The following ZSWIM8 variants were observed in gnomAD, a reference collection of about 807,000 sequenced individuals.
ZSWIM8 encodes the protein zinc finger SWIM domain-containing protein 8.
ZSWIM8 carries 27 observed loss-of-function variants against 173.7 expected under a neutral mutation model. The observed-to-expected ratio is 0.16, with a 90% confidence interval of 0.11 to 0.21. The LOEUF (loss-of-function observed/expected upper bound fraction) is 0.21, where lower values mean the gene tolerates loss of function less well. ZSWIM8 is among the 10% of genes least tolerant of loss of function. The probability of loss-of-function intolerance (pLI) is 1.00; values close to 1 mark genes in which losing one functional copy is unlikely to be tolerated. For missense variants in ZSWIM8, 1,627 were observed against 2,428.8 expected, an observed-to-expected ratio of 0.67 and a Z score of 6.94; for synonymous variants, 958 against 962.0, an observed-to-expected ratio of 1.00 and a Z score of 0.08.
chr10:73,797,221 A>G lies in ZSWIM8; in HGVS notation c.3383A>G (p.Tyr1128Cys), dbSNP rs758218560. ...TTGGCACTTGGCAGTCGTGGAGGCT[A>G]TAATGGACGGGGATGGGGGTCCCCA... is the stretch of plus-strand genomic sequence containing the variant. ...SRLALGSRGG[Y>C]NGRGWGSPGR... Residue 1128 changes from tyrosine (Y) to cysteine (C), a missense_variant, in exon 17 of 26, where the codon TAT becomes TGT. Tyr to Cys is a radical substitution (Grantham distance 194). This residue lies in a region of ZSWIM8 where 163 missense variants were observed against 193.2 expected (regional missense o/e 0.84). Coordinates refer to ENST00000604729, the MANE Select transcript of ZSWIM8 (RefSeq NM_001367799.1). This position sits in a 1 kb window ranked among gnomAD's most constrained non-coding sequence, Gnocchi z 5.6. 1 of 1,614,016 alleles carries G rather than the reference A, an allele frequency of 6.2e-7. No individual in the cohort carries two copies.
Position 73,791,129 on chromosome 10 carries a change from G to C in ZSWIM8, c.1096G>C (p.Ala366Pro). The C allele has an allele frequency of 6.2e-7, 1 of 1,613,210 alleles. No homozygotes were observed. The highest frequency in any genetic ancestry group is 2.2e-5 in the East Asian group (1 of 44,856). ...GTTCAAGCGGAGGGACAGCAATGCT[G>C]CCCCCTTGTTGGAAATCCTCACTGA... The part of the protein sequence containing the change: ...EMFKRRDSNA[A>P]PLLEILTDQC... The change falls in exon 8 of 26, where the codon GCC becomes CCC. Residue 366 changes from alanine to proline, a missense_variant. Physicochemically the swap from Ala to Pro is conservative, Grantham distance 27 (BLOSUM62 -1). Around this residue, in one of 18 missense-constraint regions of ZSWIM8, gnomAD observed 38 missense variants for 106.1 expected, o/e 0.36. Transcript: ENST00000604729. This position sits in a 1 kb window ranked among gnomAD's most constrained non-coding sequence, Gnocchi z 6.0.
At chr10:73,795,736 T>C in intron 15 of ZSWIM8, 73 bp downstream of exon 15, 2 of 1,521,572 alleles carry the variant, frequency 1.3e-6, no homozygotes, top group Non-Finnish European at 1.8e-6. Context: ...GGCGGGCAGA[T>C]GGCTTGAGCC....
chr10:73,796,877 C>T lies in ZSWIM8; in HGVS notation c.3137C>T (p.Pro1046Leu). 2 of 1,614,074 alleles carry T rather than the reference C, an allele frequency of 1.2e-6. No individual in the cohort carries two copies. The highest frequency in any genetic ancestry group is 1.7e-6 in the Non-Finnish European group (2 of 1,179,902). ...CCAACCACAGCCAGCCAGAGGTCTCCTTCAAAGCACGGGGGCCCATCTGCC... is the reference window on the plus strand; with the variant it reads ...CCAACCACAGCCAGCCAGAGGTCTCTTTCAAAGCACGGGGGCCCATCTGCC... ...SRPTTASQRS[P>L]SKHGGPSAPG... Residue 1046 changes from proline to leucine, a missense_variant, in exon 16 of 26, where the codon CCT becomes CTT. Physicochemically the swap from Pro to Leu is moderately conservative, Grantham distance 98. Around this residue, in one of 18 missense-constraint regions of ZSWIM8, gnomAD observed 163 missense variants for 193.2 expected, o/e 0.84. Transcript: ENST00000604729.
chr10:73,792,804 C>T lies in ZSWIM8; in HGVS notation c.2265C>T (p.His755=), dbSNP rs760909188. ...CCGAGGGCGGGGCTGGGGAGGAGCA[C>T]GACCTGTTTGCTGGGCTGAAGCCAC... ...EKAEGGAGEE[H]DLFAGLKPLE... Residue 755 remains histidine (H), a synonymous_variant, in exon 10 of 26, where the codon CAC becomes CAT. Coordinates refer to ENST00000604729, the MANE Select transcript of ZSWIM8 (RefSeq NM_001367799.1). This position sits in a 1 kb window ranked among gnomAD's most constrained non-coding sequence, Gnocchi z 4.3. 9.4e-6 allele frequency: 15 copies of T among 1,598,936 alleles called. No homozygotes were observed. The highest frequency in any genetic ancestry group is 2.2e-5 in the East Asian group (1 of 44,808).
Position 73,797,026 on chromosome 10 carries a change from G to A in ZSWIM8, c.3274+12G>A, listed in dbSNP as rs371326365. The A allele has an allele frequency of 6.2e-7, 1 of 1,609,096 alleles. No individual in the cohort carries two copies. The highest frequency in any genetic ancestry group is 8.5e-7 in the Non-Finnish European group (1 of 1,176,630). On this transcript the variant is annotated intron_variant, in intron 16 of 25. Coordinates refer to ENST00000604729, the MANE Select transcript of ZSWIM8 (RefSeq NM_001367799.1). This position sits in a 1 kb window ranked among gnomAD's most constrained non-coding sequence, Gnocchi z 5.6. ...GAAGAATGTGCCTGGTGAGGTGGGG[G>A]CACTGGGCAGGGGGGATGAATGGTG...
Position 73,794,037 on chromosome 10 carries a change from C to T in ZSWIM8, c.2618C>T (p.Ala873Val), listed in dbSNP as rs1459298505. 9 of 1,612,678 alleles carry T rather than the reference C, an allele frequency of 5.6e-6. No homozygotes were observed. The highest frequency in any genetic ancestry group is 2.2e-5 in the East Asian group (1 of 44,870). Residue 873 changes from alanine to valine, a missense_variant, in exon 12 of 26, where the codon GCC (alanine) becomes GTC (valine). Ala to Val is a moderately conservative substitution (Grantham distance 64). Around this residue, in one of 18 missense-constraint regions of ZSWIM8, gnomAD observed 169 missense variants for 235.3 expected, o/e 0.72. Transcript: ENST00000604729. Reference protein sequence around the residue: ...ELQRPPASTKALEVKLAYQES... With the variant: ...ELQRPPASTKVLEVKLAYQES... ...CAGAGGCCTCCAGCTTCTACCAAGG[C>T]CTTGGAGGTCAGAGGCTCCATCTCA...
chr10:73,791,179 A>G lies in ZSWIM8; in HGVS notation c.1143+3A>G, dbSNP rs1401590999. 6.3e-7 allele frequency: 1 copy of G among 1,598,160 alleles called. No homozygotes were observed. Among genetic ancestry groups the G allele is most frequent in the Non-Finnish European group, 8.6e-7 (1 of 1,168,464 alleles). ...ACCAGTGCCTCACCTATGAACAGGT[A>G]ATCACTCAGCGTTGGGGAGCCCCGT... is the stretch of plus-strand genomic sequence containing the variant. On this transcript the variant is annotated splice_donor_region_variant and intron_variant, in intron 8 of 25. Transcript: ENST00000604729. The surrounding 1 kb of genome is among the most constrained non-coding windows in gnomAD (Gnocchi z 6.0).
rs1051560389 is a variant in ZSWIM8, at chr10:73,791,419, C to G, written c.1239C>G (p.Ala413=). Residue 413 remains alanine, a synonymous_variant, in exon 9 of 26, where the codon GCC becomes GCG. Transcript: ENST00000604729. This position sits in a 1 kb window ranked among gnomAD's most constrained non-coding sequence, Gnocchi z 6.0. ...GRSNGQSEVA[A]HACASMCDEM... ...GCAACGGGCAGTCAGAGGTGGCAGC[C>G]CATGCCTGTGCCAGCATGTGTGACG... The G allele has an allele frequency of 1.3e-5, 21 of 1,613,834 alleles. No homozygotes were observed. Among genetic ancestry groups the G allele is most frequent in the Admixed American group, 5.0e-5 (3 of 60,002 alleles).
chr10:73,792,802 C>T lies in ZSWIM8; in HGVS notation c.2263C>T (p.His755Tyr). ...GGCCGAGGGCGGGGCTGGGGAGGAG[C>T]ACGACCTGTTTGCTGGGCTGAAGCC... ...EKAEGGAGEE[H>Y]DLFAGLKPLE... is the part of the protein sequence containing the mutation. The change falls in exon 10 of 26, where the codon CAC becomes TAC. Residue 755 changes from histidine (H) to tyrosine (Y), a missense_variant. Transcript: ENST00000604729. This position sits in a 1 kb window ranked among gnomAD's most constrained non-coding sequence, Gnocchi z 4.3. 6.2e-7 allele frequency: 1 copy of T among 1,600,208 alleles called. No individual in the cohort carries two copies. The highest frequency in any genetic ancestry group is 8.5e-7 in the Non-Finnish European group (1 of 1,176,632).
In ZSWIM8 at chr10:73,801,600, C is replaced by A. The variant is rs1255635848; in HGVS notation, c.*81C>A. 12 of 1,556,174 alleles carry A rather than the reference C, an allele frequency of 7.7e-6. No homozygotes were observed. The highest frequency in any genetic ancestry group is 1.4e-5 in the African/African-American group (1 of 73,540). ...CTCACACAGGGGGAGTGAAACTTGG[C>A]TGGACAGATCATCCTCACTCAGTTC... On this transcript the variant is annotated 3_prime_UTR_variant, in exon 26 of 26. Transcript: ENST00000604729. This position sits in a 1 kb window ranked among gnomAD's most constrained non-coding sequence, Gnocchi z 4.9.
intron 7 of ZSWIM8, 48 bp downstream of exon 7, chr10:73,790,340 C>T (rs780312089): frequency 1.3e-6 from 2 of 1,550,410 alleles, no homozygotes; most frequent in Non-Finnish European, 8.7e-7. Context: ...GGGGGAGCGT[C>T]CCTCAGGCTG....
chr10:73,799,673 G>A (rs1186959748), intron 21 of ZSWIM8, 183 bp downstream of exon 21: 3 of 856,658 alleles, frequency 3.5e-6, no homozygotes, highest in Non-Finnish European at 5.4e-6. Context: ...GCTCATGCCT[G>A]TAATCCCAGC....
intron 21 of ZSWIM8, 84 bp downstream of exon 21, chr10:73,799,574 T>TA (rs2083825618): frequency 6.5e-7 from 1 of 1,539,350 alleles, no homozygotes; most frequent in African/African-American, 1.4e-5. Context: ...TCTGGGAGTA[T>TA]AATTGGTCAG....
chr10:73,796,229 G>C (rs1272093230), intron 15 of ZSWIM8: 3 of 221,084 alleles, frequency 1.4e-5, no homozygotes, highest in Non-Finnish European at 2.8e-5. Context: ...CGCGCCTGTA[G>C]TCCCAGCTAC....
In ZSWIM8 at chr10:73,797,088, C is replaced by G; in HGVS notation, c.3275-25C>G. The G allele has an allele frequency of 6.2e-7, 1 of 1,613,210 alleles. No homozygotes were observed. The highest frequency in any genetic ancestry group is 1.1e-5 in the South Asian group (1 of 90,984). ...TGAGGTCCCCTTTCCTGGGCTCATCCCAGCGTCCTGTTTTCCTCACCTAGA... is the reference window on the plus strand; with the variant it reads ...TGAGGTCCCCTTTCCTGGGCTCATCGCAGCGTCCTGTTTTCCTCACCTAGA... On this transcript the variant is annotated intron_variant, in intron 16 of 25. Transcript: ENST00000604729. This position sits in a 1 kb window ranked among gnomAD's most constrained non-coding sequence, Gnocchi z 5.6.
intron 10 of ZSWIM8, among the ~76,000 whole-genome samples, 170 bp downstream of exon 10, chr10:73,793,022 A>G (rs1189523251): frequency 6.6e-6 from 1 of 151,972 alleles, no homozygotes; most frequent in Non-Finnish European, 1.5e-5. Flanking sequence ...CTTCCACGAG[A>G]TTTTCCTGAA....
In ZSWIM8 at chr10:73,792,986, C is replaced by T; in HGVS notation, c.2313+134C>T. On this transcript the variant is annotated intron_variant, in intron 10 of 25. Coordinates refer to ENST00000604729, the MANE Select transcript of ZSWIM8 (RefSeq NM_001367799.1). The surrounding 1 kb of genome is among the most constrained non-coding windows in gnomAD (Gnocchi z 4.3). Reference sequence around the variant, plus strand: ...TGTTGCAGGCGCCGAACTGGTCTCCCTGCTTTCAGTCTACTCACTTTTCTG... The same window carrying T: ...TGTTGCAGGCGCCGAACTGGTCTCCTTGCTTTCAGTCTACTCACTTTTCTG... 9.2e-7 allele frequency: 1 copy of T among 1,085,456 alleles called. No homozygotes were observed. Among genetic ancestry groups the T allele is most frequent in the Non-Finnish European group, 1.3e-6 (1 of 772,920 alleles). 67.2% of individuals were successfully genotyped at this position (1,085,456 alleles called of 1,614,324 possible).
At chr10:73,796,517 A>G (rs1191030935) in intron 15 of ZSWIM8, 3 of 537,560 alleles carry the variant, frequency 5.6e-6, no homozygotes, top group Non-Finnish European at 1.0e-5. Context: ...AAAGTCATTC[A>G]TTCACTTATT....
At position 73,797,623 on chromosome 10, in the gene ZSWIM8, C is replaced by G. The variant is rs1208681321; in HGVS notation, c.3662+18C>G. 10 of 1,611,778 alleles carry G rather than the reference C, an allele frequency of 6.2e-6. No individual in the cohort carries two copies. Among genetic ancestry groups the G allele is most frequent in the African/African-American group, 1.3e-5 (1 of 74,860 alleles). ...GTTGGCAGGTCAGTGGGAAGAACTC[C>G]CCATCTTCCCTGATCTGGCCCACCC... On this transcript the variant is annotated intron_variant, in intron 18 of 25. Coordinates refer to ENST00000604729, the MANE Select transcript of ZSWIM8 (RefSeq NM_001367799.1). The surrounding 1 kb of genome is among the most constrained non-coding windows in gnomAD (Gnocchi z 5.6).
Sources: allele counts gnomAD v4.1 joint callset (sites outside exome capture counted in the v4.1 genomes callset), GRCh38; gene constraint gnomAD v4.1.1; regional missense constraint gnomAD v4.1.1; non-coding constraint Gnocchi (gnomAD v3.1); transcripts MANE v1.5; gene names NCBI Gene and HGNC (gene_info 2026-07-23, HGNC 2026-07-21).